HFM1: variants seen among roughly 807,000 people sequenced by gnomAD.
HFM1 encodes the protein helicase for meiosis 1, also known as probable ATP-dependent DNA helicase HFM1.
In HFM1, 169 loss-of-function variants were observed where a neutral mutation model predicts 192.1. The observed-to-expected ratio is 0.88, with a 90% CI of 0.78 to 1.00. HFM1 has a LOEUF of 1.00. Ranked by LOEUF, HFM1 falls within the 50% of genes least tolerant of loss-of-function variation. The pLI is 0.00. For missense variants in HFM1, 1,661 were observed against 1,668.0 expected (o/e 1.00, Z 0.07); for synonymous variants, 525 against 537.8 (o/e 0.98, Z 0.33).
At position 91,378,717 on chromosome 1, in the gene HFM1, T is replaced by C. The variant is rs528140209; in HGVS notation, c.1159-237A>G. ...TGTTTTTACACTGAACCACAAAATATTCAAAGTCCAAGTTTTGTTACCTAT... is the reference window on the plus strand; with the variant it reads ...TGTTTTTACACTGAACCACAAAATACTCAAAGTCCAAGTTTTGTTACCTAT... On this transcript the variant is annotated intron_variant, in intron 9 of 38. Coordinates refer to ENST00000370425, the MANE Select transcript of HFM1 (RefSeq NM_001017975.6). Among the ~76,000 whole-genome samples, 3 of 152,182 alleles carry C rather than the reference T, an allele frequency of 2.0e-5. No homozygotes were observed. The South Asian group carries it at 6.2e-4, about 32-fold the overall frequency.
intron 35 of HFM1, 60 bp downstream of exon 35, chr1:91,267,685 G>A: frequency 1.3e-6 from 1 of 780,674 alleles, no homozygotes; most frequent in Non-Finnish European, 2.0e-6. Context: ...TCCAGGAGCT[G>A]AAATGAAAAA....
intron 20 of HFM1, among the ~76,000 whole-genome samples, chr1:91,341,726 TAAAC>T (rs1352981536): frequency 6.7e-6 from 1 of 148,814 alleles, no homozygotes; most frequent in Non-Finnish European, 1.5e-5. Context: ...ACCAGACAAA[TAAAC>T]ACAATCAGAA....
Position 91,272,708 on chromosome 1 carries a change from G to T in HFM1, c.3772+1004C>A, listed in dbSNP as rs575250843. ...CAGGCTTTGAATAAGTTGGATAAAT[G>T]CTCTGGTTCTCCAGGTGAGATTAGG... On this transcript the variant is annotated intron_variant, in intron 34 of 38. Coordinates refer to ENST00000370425, the MANE Select transcript of HFM1 (RefSeq NM_001017975.6). Among the ~76,000 whole-genome samples the T allele has an allele frequency of 2.7e-3, 415 of 152,146 alleles. 1 individual carries two copies. The highest frequency in any genetic ancestry group is 9.1e-3 in the African/African-American group (380 of 41,534).
intron 13 of HFM1, among the ~76,000 whole-genome samples, chr1:91,357,997 A>G (rs545931389): frequency 2.0e-5 from 3 of 152,346 alleles, no homozygotes; most frequent in African/African-American, 7.2e-5. Context: ...AAGAATTAAT[A>G]TTGTTAAAAT....
chr1:91,314,785 T>G (rs1650961049), intron 28 of HFM1, among the ~76,000 whole-genome samples: 1 of 152,210 alleles, frequency 6.6e-6, no homozygotes, highest in Non-Finnish European at 1.5e-5. Flanking sequence ...AAACTTATTT[T>G]AGTCTCATGT....
chr1:91,289,183 G>A (rs571710761), intron 30 of HFM1, among the ~76,000 whole-genome samples: 6 of 151,692 alleles, frequency 4.0e-5, no homozygotes, highest in Non-Finnish European at 7.4e-5. Flanking sequence ...CCTCCCAGAC[G>A]GGGTGGTGGC....
In HFM1 at chr1:91,351,619, T is replaced by A; in HGVS notation, c.2002A>T (p.Ile668Phe). ...TCCCTTGTGCTTAATCGAGTCATGA[T>A]AACTGCAGTAGCTGTAGTGTCAAAC... ...PQFDTTATAV[I>F]MTRLSTRDKY... Residue 668 changes from isoleucine (I) to phenylalanine (F), a missense_variant, in exon 17 of 39, where the codon ATC (isoleucine) becomes TTC (phenylalanine). Physicochemically the swap from Ile to Phe is conservative, Grantham distance 21 (BLOSUM62 0). Coordinates refer to ENST00000370425, the MANE Select transcript of HFM1 (RefSeq NM_001017975.6). The A allele has an allele frequency of 6.3e-7, 1 of 1,599,588 alleles. No homozygotes were observed. The highest frequency in any genetic ancestry group is 8.5e-7 in the Non-Finnish European group (1 of 1,170,656).
intron 19 of HFM1, among the ~76,000 whole-genome samples, chr1:91,344,778 A>C (rs543604245): frequency 3.5e-4 from 45 of 128,750 alleles, no homozygotes; most frequent in Admixed American, 3.0e-3. Context: ...ACTTGGTCTC[A>C]CTCTGTTGCC....
At chr1:91,279,263 G>T (rs758385906) in intron 30 of HFM1, among the ~76,000 whole-genome samples, 1 of 152,220 alleles carries the variant, frequency 6.6e-6, no homozygotes, top group Non-Finnish European at 1.5e-5. Flanking sequence ...TAAACCTAAC[G>T]TTCCTCAGAC....
At chr1:91,359,904 A>G (rs573840871) in intron 13 of HFM1, among the ~76,000 whole-genome samples, 22 of 152,356 alleles carry the variant, frequency 1.4e-4, no homozygotes, top group Admixed American at 3.3e-4. Flanking sequence ...GAAACTCATC[A>G]AACTAACAGT....
chr1:91,331,909 C>G lies in HFM1; in HGVS notation c.2336-7143G>C, dbSNP rs1653884896. Among the ~76,000 whole-genome samples, 4 of 151,106 alleles carry G rather than the reference C, an allele frequency of 2.6e-5. No individual in the cohort carries two copies. The South Asian group carries it at 8.4e-4, about 32-fold the overall frequency. On this transcript the variant is annotated intron_variant, in intron 20 of 38. Transcript: ENST00000370425. The stretch of plus-strand genomic sequence containing the variant: ...AGACTCCATCTCAAAAACAAACAAA[C>G]AAAGAAACACAAAAACTATAAAACA...
chr1:91,300,447 A>G (rs1265826851), intron 30 of HFM1, among the ~76,000 whole-genome samples: 3 of 152,214 alleles, frequency 2.0e-5, no homozygotes, highest in African/African-American at 7.2e-5. Context: ...GGCCAGCATC[A>G]TCCTGATACC....
At chr1:91,351,906 T>G (rs545254913) in intron 16 of HFM1, among the ~76,000 whole-genome samples, 1 of 152,106 alleles carries the variant, frequency 6.6e-6, no homozygotes, top group Non-Finnish European at 1.5e-5. Context: ...GGTAACTGTA[T>G]AAAAGTTGTA....
At position 91,299,382 on chromosome 1, in the gene HFM1, G is replaced by C. The variant is rs544622234; in HGVS notation, c.3391+13967C>G. Reference sequence around the variant, plus strand: ...CAACATTAGACAGATCAACAAGACAGAACGTTAAAAAGGATATCCAGGAAC... The same window carrying C: ...CAACATTAGACAGATCAACAAGACACAACGTTAAAAAGGATATCCAGGAAC... On this transcript the variant is annotated intron_variant, in intron 30 of 38. Coordinates refer to ENST00000370425, the MANE Select transcript of HFM1 (RefSeq NM_001017975.6). 2.6e-5 allele frequency among the ~76,000 whole-genome samples: 4 copies of C among 152,228 alleles called. No individual in the cohort carries two copies. The South Asian group carries it at 8.3e-4, about 32-fold the overall frequency.
intron 4 of HFM1, among the ~76,000 whole-genome samples, chr1:91,390,300 G>C (rs1245321214): frequency 6.6e-6 from 1 of 152,090 alleles, no homozygotes; most frequent in Non-Finnish European, 1.5e-5. Context: ...GCCGGGTGTG[G>C]TGGCGCACGC....
chr1:91,342,033 T>C (rs1299269530), intron 20 of HFM1, among the ~76,000 whole-genome samples: 1 of 148,012 alleles, frequency 6.8e-6, no homozygotes, highest in Admixed American at 6.9e-5. Context: ...CTGGCACCAA[T>C]CCTACTGAAA....
intron 17 of HFM1, among the ~76,000 whole-genome samples, chr1:91,351,170 A>T (rs1331296716): frequency 6.6e-6 from 1 of 151,946 alleles, no homozygotes; most frequent in Non-Finnish European, 1.5e-5. Context: ...AATAGGTTCC[A>T]GATTTCCTCT....
chr1:91,312,396 C>A (rs920994888), intron 30 of HFM1, among the ~76,000 whole-genome samples: 2 of 152,158 alleles, frequency 1.3e-5, no homozygotes, highest in Admixed American at 1.3e-4. Context: ...GGGAACTCAC[C>A]TCTTGCATCC....
intron 30 of HFM1, among the ~76,000 whole-genome samples, chr1:91,286,634 G>T (rs1668001291): frequency 6.6e-6 from 1 of 152,128 alleles, no homozygotes; most frequent in South Asian, 2.1e-4. Flanking sequence ...TTCCAGATAA[G>T]ATCACATTCA....
Sources: allele counts gnomAD v4.1 joint callset (sites outside exome capture counted in the v4.1 genomes callset), GRCh38; gene constraint gnomAD v4.1.1; transcripts MANE v1.5; gene names NCBI Gene and HGNC (gene_info 2026-07-23, HGNC 2026-07-21).